POU2F1: variants seen among roughly 807,000 people sequenced by gnomAD.
POU2F1 encodes the protein POU domain, class 2, transcription factor 1.
In POU2F1, 16 loss-of-function variants were observed where a neutral mutation model predicts 84.9. That is an observed-to-expected ratio of 0.19 (90% CI 0.13 to 0.29). The LOEUF (loss-of-function observed/expected upper bound fraction) is 0.29, where lower values mean the gene tolerates loss of function less well. Among genes scored for constraint, POU2F1 ranks in the 10% least tolerant of loss-of-function variants. POU2F1 has a pLI of 1.00. For missense variants in POU2F1, 738 were observed against 942.6 expected (o/e 0.78, Z 2.84); for synonymous variants, 368 against 368.3 (o/e 1.00, Z 0.01).
intron 2 of POU2F1, among the ~76,000 whole-genome samples, chr1:167,351,315 C>T (rs1038666798): frequency 3.3e-5 from 5 of 151,954 alleles, no homozygotes; most frequent in Admixed American, 1.3e-4. Flanking sequence ...AACTGTGCCA[C>T]TTGCATTCCA....
intron 1 of POU2F1, among the ~76,000 whole-genome samples, chr1:167,254,582 A>G (rs377222283): frequency 1.3e-5 from 2 of 152,244 alleles, no homozygotes; most frequent in South Asian, 2.1e-4. Flanking sequence ...ATTGTTAACA[A>G]TCAGCAAGTA....
intron 1 of POU2F1, among the ~76,000 whole-genome samples, chr1:167,286,148 T>C (rs920086628): frequency 5.3e-5 from 8 of 152,186 alleles, no homozygotes; most frequent in Non-Finnish European, 8.8e-5. Flanking sequence ...GGGGGTGATA[T>C]AGTCAGTTTC....
chr1:167,387,084 A>C (rs1648035114), intron 8 of POU2F1: 1 of 443,218 alleles, frequency 2.3e-6, no homozygotes, highest in African/African-American at 2.0e-5. Context: ...CCTATACCAG[A>C]GACTTCTTCC....
At chr1:167,358,968 C>G (rs1417644347) in intron 2 of POU2F1, among the ~76,000 whole-genome samples, 2 of 151,598 alleles carry the variant, frequency 1.3e-5, no homozygotes, top group Non-Finnish European at 2.9e-5. Context: ...TGACAAGATT[C>G]TTTTGAAAGA....
At chr1:167,402,089 C>G (rs979539350) in intron 13 of POU2F1, among the ~76,000 whole-genome samples, 4 of 152,172 alleles carry the variant, frequency 2.6e-5, no homozygotes, top group African/African-American at 9.7e-5. Flanking sequence ...ACTCTTGATG[C>G]CTAGCTCAGT....
chr1:167,332,895 G>A (rs541128430), intron 2 of POU2F1, among the ~76,000 whole-genome samples: 4 of 152,286 alleles, frequency 2.6e-5, no homozygotes, highest in African/African-American at 9.6e-5. Flanking sequence ...ATTACAAAAT[G>A]AGGATAATAT....
intron 13 of POU2F1, among the ~76,000 whole-genome samples, chr1:167,408,693 GACATGATT>G (rs768125489): frequency 9.9e-5 from 15 of 152,186 alleles, no homozygotes; most frequent in Non-Finnish European, 1.8e-4. Context: ...GTAGGAGTGT[GACATGATT>G]ACAAACAGGC....
At position 167,365,582 on chromosome 1, in the gene POU2F1, C is replaced by T. The variant is rs1557930022; in HGVS notation, c.228+15C>T. 1 of 1,551,132 alleles carries T rather than the reference C, an allele frequency of 6.4e-7. No homozygotes were observed. The highest frequency in any genetic ancestry group is 8.7e-7 in the Non-Finnish European group (1 of 1,143,036). On this transcript the variant is annotated intron_variant, in intron 3 of 15. Coordinates refer to ENST00000367866, the MANE Select transcript of POU2F1 (RefSeq NM_002697.4). Reference sequence around the variant, plus strand: ...ATCTCCATCAGGTAGGAATGTTCTGCTCAACCATCAGTGAGAGTGAAAGAT... The same window carrying T: ...ATCTCCATCAGGTAGGAATGTTCTGTTCAACCATCAGTGAGAGTGAAAGAT...
chr1:167,362,585 G>T (rs1302226928), intron 2 of POU2F1, among the ~76,000 whole-genome samples: 3 of 152,184 alleles, frequency 2.0e-5, no homozygotes, highest in Non-Finnish European at 2.9e-5. Context: ...GATCGTAGCT[G>T]GTTGCAGCCT....
intron 1 of POU2F1, among the ~76,000 whole-genome samples, chr1:167,221,175 G>A (rs1429547811): frequency 1.3e-5 from 2 of 151,538 alleles, no homozygotes; most frequent in African/African-American, 2.4e-5. Context: ...AGGGGCAAAG[G>A]GGGCTGCGAT....
chr1:167,280,282 A>T (rs1472552240), intron 1 of POU2F1, among the ~76,000 whole-genome samples: 1 of 151,524 alleles, frequency 6.6e-6, no homozygotes, highest in Non-Finnish European at 1.5e-5. Context: ...TGGACATGAT[A>T]TGTAGCAAAT....
chr1:167,266,912 G>A (rs957942633), intron 1 of POU2F1, among the ~76,000 whole-genome samples: 1 of 151,954 alleles, frequency 6.6e-6, no homozygotes, highest in Non-Finnish European at 1.5e-5. Flanking sequence ...GTGAGACACC[G>A]CAAAATGTTC....
At chr1:167,350,270 A>G (rs746075005) in intron 2 of POU2F1, among the ~76,000 whole-genome samples, 1 of 152,226 alleles carries the variant, frequency 6.6e-6, no homozygotes, top group Non-Finnish European at 1.5e-5. Flanking sequence ...TTGCCTTTTT[A>G]CATATTCAGG....
intron 1 of POU2F1, among the ~76,000 whole-genome samples, chr1:167,275,382 A>G (rs539594014): frequency 6.6e-5 from 10 of 150,390 alleles, no homozygotes; most frequent in African/African-American, 2.2e-4. Context: ...CTTACAGAAG[A>G]CTTTTTTTTT....
At chr1:167,243,414 T>G (rs767721085) in intron 1 of POU2F1, among the ~76,000 whole-genome samples, 17 of 152,246 alleles carry the variant, frequency 1.1e-4, no homozygotes, top group Non-Finnish European at 2.5e-4. Context: ...TTCAAACCTT[T>G]TAATGACTTG....
At chr1:167,236,962 A>T (rs1360722710) in intron 1 of POU2F1, among the ~76,000 whole-genome samples, 1 of 152,230 alleles carries the variant, frequency 6.6e-6, no homozygotes, top group Non-Finnish European at 1.5e-5. Context: ...TATTTCCTAC[A>T]CAAGGGCTTG....
intron 2 of POU2F1, among the ~76,000 whole-genome samples, chr1:167,356,065 C>T (rs1658912603): frequency 6.6e-6 from 1 of 151,948 alleles, no homozygotes; most frequent in South Asian, 2.1e-4. Context: ...CCTCCCACCT[C>T]AGCCTCCTAA....
chr1:167,374,860 G>A (rs934687684), intron 6 of POU2F1, among the ~76,000 whole-genome samples: 21 of 152,144 alleles, frequency 1.4e-4, no homozygotes, highest in Admixed American at 9.2e-4. Context: ...TAGGTCAGGA[G>A]TTCGAGACCA....
chr1:167,338,067 A>C, intron 2 of POU2F1: 1 of 448,368 alleles, frequency 2.2e-6, no homozygotes, highest in Non-Finnish European at 4.5e-6. Flanking sequence ...GAAAAAGCAA[A>C]AAAGTCAGAA....
Sources: gnomAD v4.1 joint callset for allele counts (sites outside exome capture counted in the v4.1 genomes callset) on GRCh38, gnomAD v4.1.1 for gene constraint, MANE v1.5 for transcripts, NCBI Gene and HGNC (gene_info 2026-07-23, HGNC 2026-07-21) for gene names.